The following INTS6 variants were observed in gnomAD, a reference collection of about 807,000 sequenced individuals.
INTS6 encodes integrator complex subunit 6.
Under a neutral mutation model 104.9 loss-of-function variants are expected in INTS6, and 16 were observed. That is an observed-to-expected ratio of 0.15 (90% CI 0.10 to 0.23). INTS6 has a LOEUF of 0.23. Among genes scored for constraint, INTS6 ranks in the 10% least tolerant of loss-of-function variants. INTS6 has a pLI of 1.00. For synonymous variants in INTS6, 324 were observed against 358.7 expected, an observed-to-expected ratio of 0.90 and a Z score of 1.09; for missense variants, 584 against 1,062.8, an observed-to-expected ratio of 0.55 and a Z score of 6.26.
chr13:51,430,537 G>T (rs1482035000), intron 3 of INTS6, among the ~76,000 whole-genome samples, 154 bp from the exon 4 acceptor site: 2 of 152,090 alleles, frequency 1.3e-5, no homozygotes, highest in African/African-American at 4.8e-5. Flanking sequence ...AAAAGATATA[G>T]AACGACACAT....
chr13:51,347,085 C>T, the INTS6 span: 2 of 1,606,878 alleles, frequency 1.2e-6, no homozygotes, highest in African/African-American at 1.3e-5. Context: ...GCAGCATTTG[C>T]TCAGCTTGTG....
At chr13:51,374,506 A>G in intron 14 of INTS6, 67 bp from the exon 15 acceptor site, 1 of 1,533,540 alleles carries the variant, frequency 6.5e-7, no homozygotes, top group Non-Finnish European at 9.0e-7. Context: ...AACCAGTGTC[A>G]ATTCCAATGA....
At chr13:51,367,707 A>C in intron 17 of INTS6, 98 bp downstream of exon 17, 1 of 646,636 alleles carries the variant, frequency 1.5e-6, no homozygotes, top group Non-Finnish European at 2.7e-6. Context: ...ATACATTTAT[A>C]AACAATACAA....
chr13:51,428,548 A>G (rs987339007), intron 4 of INTS6, among the ~76,000 whole-genome samples: 1 of 151,854 alleles, frequency 6.6e-6, no homozygotes, highest in Admixed American at 6.6e-5. Flanking sequence ...GCTGGTCTTG[A>G]ACTCCTGATC....
In INTS6 at chr13:51,444,252, ATTTTTTTTTTTT is replaced by A. The variant is rs57566246; in HGVS notation, c.339+6761_339+6772del. ...GGCACATGCCACCACCCCCCAGCTAATTTTTTTTTTTTTTTTTTTTTTTTTTTTTTTTAGTAG... is the reference window on the plus strand; with the variant it reads ...GGCACATGCCACCACCCCCCAGCTAATTTTTTTTTTTTTTTTTTTTAGTAG... On this transcript the variant is annotated intron_variant, in intron 3 of 17. Transcript: ENST00000311234. The A allele has an allele frequency of 1.0e-3, 56 of 54,414 alleles. 2 individuals are homozygous for A. The East Asian group carries it at 0.032, about 31-fold the overall frequency. The allele number at this position is 54,414 out of a possible 1,614,324, so 3.4% of individuals were successfully genotyped here.
chr13:51,408,251 C>T (rs1173051978), intron 4 of INTS6, among the ~76,000 whole-genome samples: 4 of 150,748 alleles, frequency 2.7e-5, no homozygotes, highest in African/African-American at 9.7e-5. Context: ...TCAAGTGATT[C>T]TCCTTCCTCA....
intron 4 of INTS6, among the ~76,000 whole-genome samples, chr13:51,405,673 G>C (rs1418669664): frequency 1.3e-5 from 2 of 151,990 alleles, no homozygotes; most frequent in Non-Finnish European, 2.9e-5. Flanking sequence ...CACTTCCATG[G>C]AAGCTGGCTA....
rs748140448 is a variant in INTS6 at position 51,395,412 on chromosome 13, T to C, written c.501A>G (p.Arg167=). The change falls in exon 5 of 18, where the codon AGA becomes AGG. Residue 167 remains arginine, a synonymous_variant. Transcript: ENST00000311234. ...GCAACCGCAACACTAATGCAAAGAGTCTCTGATCCCAACGAAAAGGTTCCT... is the reference window on the plus strand; with the variant it reads ...GCAACCGCAACACTAATGCAAAGAGCCTCTGATCCCAACGAAAAGGTTCCT... The part of the protein sequence containing the change: ...LTKEPFRWDQ[R]LFALVLRLPG... The C allele has an allele frequency of 6.2e-7, 1 of 1,613,656 alleles. No homozygotes were observed. The highest frequency in any genetic ancestry group is 1.1e-5 in the South Asian group (1 of 91,044).
chr13:51,357,377 G>C (rs1955496103), downstream of INTS6, among the ~76,000 whole-genome samples: 1 of 152,108 alleles, frequency 6.6e-6, no homozygotes, highest in African/African-American at 2.4e-5. Flanking sequence ...CTTATAGTAT[G>C]ACATCAGCAG....
chr13:51,445,989 G>A (rs188671727), intron 3 of INTS6: 2 of 152,250 alleles, frequency 1.3e-5, no homozygotes, highest in African/African-American at 2.4e-5. Flanking sequence ...TAAAACACAG[G>A]AGAAAAGCTT....
chr13:51,382,172 C>T (rs1956063628), intron 9 of INTS6, 49 bp from the exon 10 acceptor site: 1 of 1,144,112 alleles, frequency 8.7e-7, no homozygotes, highest in Middle Eastern at 2.2e-4. Context: ...TATTTTCACA[C>T]ATAGAAGTCA....
At chr13:51,428,262 T>C (rs1461051576) in intron 4 of INTS6, among the ~76,000 whole-genome samples, 1 of 152,076 alleles carries the variant, frequency 6.6e-6, no homozygotes, top group Non-Finnish European at 1.5e-5. Flanking sequence ...CTGTTAACTA[T>C]TATGTGTCCT....
chr13:51,410,929 G>A (rs908139780), intron 4 of INTS6, among the ~76,000 whole-genome samples: 10 of 151,996 alleles, frequency 6.6e-5, no homozygotes, highest in African/African-American at 2.4e-4. Flanking sequence ...TAAGCACATG[G>A]AGCTGGGCAC....
the INTS6 span, among the ~76,000 whole-genome samples, chr13:51,334,982 CAAAA>C: frequency 0.041 from 2,903 of 70,750 alleles, 27 homozygotes; most frequent in South Asian, 0.075. Context: ...GACTCCGTCT[CAAAA>C]AAAAAAAAAA....
chr13:51,432,923 CTT>C (rs1371518705), intron 3 of INTS6, among the ~76,000 whole-genome samples: 3 of 152,198 alleles, frequency 2.0e-5, no homozygotes, highest in Admixed American at 1.3e-4. Context: ...AAATCTCTCT[CTT>C]GGTCTCTACC....
At chr13:51,443,549 A>C (rs1429534748) in intron 3 of INTS6, 2 of 152,188 alleles carry the variant, frequency 1.3e-5, no homozygotes, top group East Asian at 1.9e-4. Context: ...AACAAAAATA[A>C]AGTTTATATA....
chr13:51,340,801 A>T, the INTS6 span: 1 of 506,048 alleles, frequency 2.0e-6, no homozygotes, highest in Non-Finnish European at 3.6e-6. Flanking sequence ...CTAAAGTCAC[A>T]CATCCAGTAA....
At chr13:51,435,138 CA>C (rs1038628375) in intron 3 of INTS6, among the ~76,000 whole-genome samples, 7 of 146,742 alleles carry the variant, frequency 4.8e-5, no homozygotes, top group South Asian at 2.1e-4. Context: ...ATATTTAAAA[CA>C]AAAAAAAAAT....
chr13:51,384,464 C>G (rs1465007958), intron 7 of INTS6: 1 of 342,852 alleles, frequency 2.9e-6, no homozygotes, highest in Non-Finnish European at 5.8e-6. Flanking sequence ...ATAAAGGACT[C>G]TATTGGCCTC....
Sources: gnomAD v4.1 joint callset for allele counts (sites outside exome capture counted in the v4.1 genomes callset) on GRCh38, gnomAD v4.1.1 for gene constraint, MANE v1.5 for transcripts, NCBI Gene and HGNC (gene_info 2026-07-23, HGNC 2026-07-21) for gene names.